Variants in SUGP1 observed in about 807,000 individuals in gnomAD.
SUGP1 encodes the protein SURP and G-patch domain containing 1.
SUGP1 carries 34 observed loss-of-function variants against 76.5 expected under a neutral mutation model. The ratio of observed to expected loss-of-function variants is 0.44; its 90% CI spans 0.34 to 0.59. SUGP1 has a LOEUF of 0.59. Among genes scored for constraint, SUGP1 ranks in the 20% least tolerant of loss-of-function variants. SUGP1 has a pLI of 0.01. For synonymous variants in SUGP1, 326 were observed against 326.2 expected (o/e 1.00, Z 0.01); for missense variants, 752 against 851.7 (o/e 0.88, Z 1.46).
rs1428454223 is a variant in SUGP1 at position 19,297,121 on chromosome 19, C to CG, written c.1110dup (p.Gly371ArgfsTer20). 1 of 1,613,844 alleles carries CG rather than the reference C, an allele frequency of 6.2e-7. No homozygotes were observed. The highest frequency in any genetic ancestry group is 8.5e-7 in the Non-Finnish European group (1 of 1,179,882). On this transcript the variant is annotated frameshift_variant, in exon 8 of 14. Coordinates refer to ENST00000247001, the MANE Select transcript of SUGP1 (RefSeq NM_172231.4). LOFTEE classifies it high-confidence loss of function. ...ACGGTGGCTGCGGAGGCTGGCTTCC[C>CG]GGGGGCAGCTGGAGCAGGGATGATA...
chr19:19,293,682 A>G (rs544055054), intron 8 of SUGP1, among the ~76,000 whole-genome samples: 1 of 152,338 alleles, frequency 6.6e-6, no homozygotes, highest in African/African-American at 2.4e-5. Context: ...TACATTTCAC[A>G]GACTGGTAAA....
chr19:19,277,720 A>T lies in SUGP1; in HGVS notation c.1781+14T>A. 1.2e-6 allele frequency: 2 copies of T among 1,612,716 alleles called. No homozygotes were observed. The highest frequency in any genetic ancestry group is 1.7e-6 in the Non-Finnish European group (2 of 1,179,124). ...CAAGTTCATGGCCATGCCCTCCCACAAGGCCACACTCACTTGTTCACTGGG... is the reference window on the plus strand; with the variant it reads ...CAAGTTCATGGCCATGCCCTCCCACTAGGCCACACTCACTTGTTCACTGGG... On this transcript the variant is annotated intron_variant, in intron 12 of 13. Coordinates refer to ENST00000247001, the MANE Select transcript of SUGP1 (RefSeq NM_172231.4).
At chr19:19,299,001 A>G (rs1022111143) in intron 7 of SUGP1, among the ~76,000 whole-genome samples, 7 of 152,136 alleles carry the variant, frequency 4.6e-5, no homozygotes, top group Admixed American at 1.3e-4. Flanking sequence ...GAGCCCCCCA[A>G]CACCCCATCT....
intron 4 of SUGP1, among the ~76,000 whole-genome samples, chr19:19,304,542 G>T (rs2061300661): frequency 6.6e-6 from 1 of 152,120 alleles, no homozygotes; most frequent in African/African-American, 2.4e-5. Context: ...ATTATTTCGG[G>T]GCCTTTTCAG....
intron 8 of SUGP1, among the ~76,000 whole-genome samples, chr19:19,296,027 A>AT (rs1440217522): frequency 6.6e-6 from 1 of 152,192 alleles, no homozygotes; most frequent in Non-Finnish European, 1.5e-5. Flanking sequence ...TAGGATGGTT[A>AT]TAATAAAAAG....
At position 19,316,829 on chromosome 19, in the gene SUGP1, T is replaced by A. The variant is rs563707488; in HGVS notation, c.35-236A>T. The stretch of plus-strand genomic sequence containing the variant: ...GACTCGCTTCAGGCTGGGAAGACAA[T>A]AGACCCATAATAAAAAAGTAACTTT... On this transcript the variant is annotated intron_variant, in intron 1 of 13. Coordinates refer to ENST00000247001, the MANE Select transcript of SUGP1 (RefSeq NM_172231.4). Among the ~76,000 whole-genome samples, 5 of 152,066 alleles carry A rather than the reference T, an allele frequency of 3.3e-5. 1 individual carries two copies. The highest frequency in any genetic ancestry group is 6.8e-3 in the Middle Eastern group (2 of 294).
intron 8 of SUGP1, among the ~76,000 whole-genome samples, chr19:19,288,946 C>G (rs918165330): frequency 2.0e-5 from 3 of 151,854 alleles, no homozygotes; most frequent in African/African-American, 7.3e-5. Context: ...CCACCATGCC[C>G]GGCTAATTTT....
chr19:19,308,197 A>G (rs968094402), intron 3 of SUGP1, among the ~76,000 whole-genome samples: 3 of 151,358 alleles, frequency 2.0e-5, no homozygotes, highest in African/African-American at 4.9e-5. Context: ...TGCCTGGCTA[A>G]TTATTTGTAT....
intron 8 of SUGP1, among the ~76,000 whole-genome samples, chr19:19,295,605 CAAAAA>C (rs55921805): frequency 4.5e-5 from 3 of 66,810 alleles, no homozygotes; most frequent in African/African-American, 9.9e-5. Flanking sequence ...GACTCCTTCT[CAAAAA>C]AAAAAAAAAA....
At chr19:19,302,954 A>G (rs1284232887) in intron 6 of SUGP1, among the ~76,000 whole-genome samples, 2 of 152,134 alleles carry the variant, frequency 1.3e-5, no homozygotes, top group Non-Finnish European at 2.9e-5. Flanking sequence ...CCTCGGCCCT[A>G]CACTACACTT....
intron 3 of SUGP1, among the ~76,000 whole-genome samples, chr19:19,308,649 G>T (rs1174677427): frequency 6.6e-6 from 1 of 152,270 alleles, no homozygotes; most frequent in African/African-American, 2.4e-5. Flanking sequence ...GGCCAGCCCG[G>T]TGTCTCTGAA....
intron 3 of SUGP1, among the ~76,000 whole-genome samples, chr19:19,309,328 T>C (rs1325635959): frequency 6.6e-6 from 1 of 151,852 alleles, no homozygotes; most frequent in Non-Finnish European, 1.5e-5. Context: ...CTACAAAAAA[T>C]AAAAAAATTA....
At chr19:19,310,050 G>C in intron 3 of SUGP1, 47 bp downstream of exon 3, 2 of 1,488,160 alleles carry the variant, frequency 1.3e-6, no homozygotes, top group Middle Eastern at 2.2e-4. Flanking sequence ...AGCAACCCCA[G>C]GGGGAGATGC....
At chr19:19,315,771 G>C (rs2061389628) in intron 2 of SUGP1, among the ~76,000 whole-genome samples, 1 of 152,148 alleles carries the variant, frequency 6.6e-6, no homozygotes, top group Admixed American at 6.5e-5. Context: ...TCTTCCAGGA[G>C]CTCTGGGGCG....
chr19:19,312,996 A>AT (rs1555791005), intron 2 of SUGP1, among the ~76,000 whole-genome samples: 4 of 151,796 alleles, frequency 2.6e-5, no homozygotes, highest in Admixed American at 6.6e-5. Flanking sequence ...TCTCAAAAAA[A>AT]AAATAAATAA....
chr19:19,305,341 C>T (rs1041975828), intron 4 of SUGP1, among the ~76,000 whole-genome samples: 3 of 152,158 alleles, frequency 2.0e-5, no homozygotes, highest in South Asian at 2.1e-4. Flanking sequence ...CTACACTGGG[C>T]GGTCTGGACA....
intron 9 of SUGP1, 58 bp from the exon 10 acceptor site, chr19:19,279,448 G>A (rs1053278376): frequency 1.3e-5 from 20 of 1,501,482 alleles, no homozygotes; most frequent in Admixed American, 4.0e-5. Flanking sequence ...CCGGAGCCCC[G>A]CTCCTGCTCC....
At chr19:19,277,249 G>GTC (rs1401532808) in intron 12 of SUGP1, among the ~76,000 whole-genome samples, 173 bp from the exon 13 acceptor site, 51 of 140,030 alleles carry the variant, frequency 3.6e-4, no homozygotes, top group African/African-American at 1.3e-3. Context: ...CCCCGGGGCG[G>GTC]GCGGGGGGGG....
intron 11 of SUGP1, among the ~76,000 whole-genome samples, chr19:19,278,128 C>T (rs1374560158): frequency 1.3e-5 from 2 of 152,148 alleles, no homozygotes; most frequent in African/African-American, 4.8e-5. Context: ...GTTACACAGG[C>T]CTTATCCACC....
Sources: gnomAD v4.1 joint callset for allele counts (sites outside exome capture counted in the v4.1 genomes callset) on GRCh38, gnomAD v4.1.1 for gene constraint, MANE v1.5 for transcripts, NCBI Gene and HGNC (gene_info 2026-07-23, HGNC 2026-07-21) for gene names.